Variants in PDE4C observed in about 807,000 individuals in gnomAD.
PDE4C encodes the protein phosphodiesterase 4C.
Under a neutral mutation model 63.9 loss-of-function variants are expected in PDE4C, and 50 were observed. The observed-to-expected ratio is 0.78, with a 90% CI of 0.62 to 0.99. The LOEUF is 0.99. Among genes scored for constraint, PDE4C ranks in the 50% least tolerant of loss-of-function variants. The pLI is 0.00. For synonymous variants in PDE4C, 377 were observed against 385.1 expected (o/e 0.98, Z 0.25); for missense variants, 777 against 899.1 (o/e 0.86, Z 1.74).
At chr19:18,250,433 G>A (rs1206893888), upstream of PDE4C, 2 of 399,098 alleles carry the variant, frequency 5.0e-6, no homozygotes, top group East Asian at 7.1e-5. Context: ...CACCACACTC[G>A]GGTTCCTGTG....
chr19:18,222,097 T>G (rs897356189), intron 2 of PDE4C, 35 bp downstream of exon 2: 1 of 1,551,364 alleles, frequency 6.4e-7, no homozygotes, highest in Non-Finnish European at 8.8e-7. Flanking sequence ...GGAGGGAGGG[T>G]AGAGGCGGTG....
At chr19:18,246,481 A>T (rs1339928897) in intron 1 of PDE4C, among the ~76,000 whole-genome samples, 1 of 151,816 alleles carries the variant, frequency 6.6e-6, no homozygotes, top group East Asian at 1.9e-4. Flanking sequence ...CCGCGCCCAG[A>T]CTACCCTTTT....
chr19:18,236,814 C>T (rs1235626817), upstream of PDE4C: 1 of 152,620 alleles, frequency 6.6e-6, no homozygotes, highest in Non-Finnish European at 1.5e-5. Flanking sequence ...AACTGCTCTT[C>T]CTCTCCTGGG....
At chr19:18,249,738 A>G (rs375381706), upstream of PDE4C, among the ~76,000 whole-genome samples, 40 of 151,920 alleles carry the variant, frequency 2.6e-4, 1 homozygote, top group East Asian at 7.2e-3. Context: ...ACGCTCAGCT[A>G]ATTTTTGTAT....
intron 12 of PDE4C, among the ~76,000 whole-genome samples, chr19:18,214,879 G>A (rs1337035872): frequency 6.6e-6 from 1 of 151,272 alleles, no homozygotes; most frequent in Non-Finnish European, 1.5e-5. Context: ...AACCCAGGAG[G>A]TGGAGGTTGC....
At chr19:18,235,401 C>T (rs970421270), upstream of PDE4C, among the ~76,000 whole-genome samples, 11 of 152,166 alleles carry the variant, frequency 7.2e-5, no homozygotes, top group Non-Finnish European at 1.2e-4. Context: ...GATCTCCTGA[C>T]CTCAGGTGAT....
At chr19:18,229,213 T>TGC (rs558958997), upstream of PDE4C, among the ~76,000 whole-genome samples, 244 of 149,184 alleles carry the variant, frequency 1.6e-3, 2 homozygotes, top group African/African-American at 5.6e-3. Flanking sequence ...CCTCCCAAAG[T>TGC]GCTGGGATTA....
intron 1 of PDE4C, among the ~76,000 whole-genome samples, chr19:18,241,855 GC>G (rs1969046763): frequency 6.6e-6 from 1 of 152,160 alleles, no homozygotes; most frequent in Non-Finnish European, 1.5e-5. Context: ...GGGCTTGTCT[GC>G]CCATTTTCCT....
upstream of PDE4C, among the ~76,000 whole-genome samples, chr19:18,227,494 G>C (rs535024979): frequency 2.0e-5 from 3 of 152,172 alleles, no homozygotes; most frequent in South Asian, 2.1e-4. Flanking sequence ...GCCATCAGAG[G>C]GACCTCACTG....
At chr19:18,217,081 G>T in intron 11 of PDE4C, 186 bp from the exon 12 acceptor site, 1 of 567,944 alleles carries the variant, frequency 1.8e-6, no homozygotes, top group Non-Finnish European at 2.9e-6. Flanking sequence ...GGTTGTCTGT[G>T]TTTGGCTCTG....
At chr19:18,232,807 A>G (rs1968877069) in intron 1 of PDE4C, 2 of 1,013,104 alleles carry the variant, frequency 2.0e-6, no homozygotes, top group Non-Finnish European at 2.7e-6. Context: ...CTACGTAGAA[A>G]TAGCTTTTTC....
At chr19:18,237,287 C>T (rs761090584), upstream of PDE4C, among the ~76,000 whole-genome samples, 2 of 152,002 alleles carry the variant, frequency 1.3e-5, no homozygotes, top group African/African-American at 4.8e-5. Flanking sequence ...CGCTGTGGCT[C>T]GTGCCTGTAA....
At chr19:18,248,026 C>A (rs753623514) in intron 1 of PDE4C, 10 of 364,020 alleles carry the variant, frequency 2.7e-5, no homozygotes, top group African/African-American at 4.2e-5. Context: ...GGTCTCCTGG[C>A]CCCAGACACA....
upstream of PDE4C, among the ~76,000 whole-genome samples, chr19:18,237,872 CA>C (rs57462449): frequency 0.59 from 55,165 of 94,186 alleles, 12,415 homozygotes; most frequent in Middle Eastern, 0.72. Context: ...GACTCCATCT[CA>C]AAAAAAAAAA....
At chr19:18,255,258 A>G in the PDE4C span, 149 of 399,032 alleles carry the variant, frequency 3.7e-4, no homozygotes, top group African/African-American at 2.3e-3. The surrounding 1 kb of genome is among the most constrained non-coding windows in gnomAD (Gnocchi z 4.6). Context: ...AGCTTTCAGC[A>G]GCACCACCAG....
chr19:18,222,309 T>C (rs1399398937), exon 2 of PDE4C: 7 of 1,609,918 alleles, frequency 4.3e-6, no homozygotes, highest in Non-Finnish European at 5.9e-6. Flanking sequence ...CGAGAGCCCA[T>C]TTTCCAGGTC....
Position 18,220,781 on chromosome 19 carries a change from C to T in PDE4C, c.499+93G>A, listed in dbSNP as rs1294321726. The T allele has an allele frequency of 8.0e-7, 1 of 1,252,414 alleles. No individual in the cohort carries two copies. 77.6% of individuals were successfully genotyped at this position (1,252,414 alleles called of 1,614,324 possible). ...TTGCAGGGGCGGGGCTACAATTAGC[C>T]CCAGTATAAGGGGCTCATGGACTGG... On this transcript the variant is annotated intron_variant, in intron 5 of 14. Coordinates refer to ENST00000262805, the Ensembl canonical transcript of PDE4C. The surrounding 1 kb of genome is among the most constrained non-coding windows in gnomAD (Gnocchi z 5.1).
chr19:18,238,200 G>A (rs1236449825), upstream of PDE4C, among the ~76,000 whole-genome samples: 1 of 151,880 alleles, frequency 6.6e-6, no homozygotes, highest in Non-Finnish European at 1.5e-5. Context: ...ACTTTAGCTT[G>A]GGTGACAGAG....
intron 13 of PDE4C, 126 bp from the exon 14 acceptor site, chr19:18,212,067 C>T: frequency 1.1e-6 from 1 of 905,024 alleles, no homozygotes; most frequent in Non-Finnish European, 1.7e-6. Flanking sequence ...AGGCCTGAGA[C>T]CTGAAGAAAT....
Sources: gnomAD v4.1 joint callset for allele counts (sites outside exome capture counted in the v4.1 genomes callset) on GRCh38, gnomAD v4.1.1 for gene constraint, Gnocchi (gnomAD v3.1) non-coding constraint, MANE v1.5 for transcripts, NCBI Gene and HGNC (gene_info 2026-07-23, HGNC 2026-07-21) for gene names.